Variants in KCNN3 observed in about 807,000 individuals in gnomAD.
KCNN3 encodes potassium calcium-activated channel subfamily N member 3, also known as small conductance calcium-activated potassium channel protein 3.
A neutral mutation model predicts 62.9 loss-of-function variants in KCNN3; 16 were observed. The observed-to-expected ratio is 0.25, with a 90% CI of 0.17 to 0.39. KCNN3 has a LOEUF of 0.39. KCNN3 is among the 10% of genes least tolerant of loss of function. KCNN3 has a pLI of 1.00. For synonymous variants in KCNN3, 370 were observed against 389.2 expected (o/e 0.95, Z 0.58); for missense variants, 599 against 949.4 (o/e 0.63, Z 4.85).
chr1:154,730,415 G>C (rs930200336), intron 4 of KCNN3, among the ~76,000 whole-genome samples: 2 of 152,176 alleles, frequency 1.3e-5, no homozygotes, highest in Admixed American at 6.5e-5. Flanking sequence ...GGTGTCCATG[G>C]TAACCAAACA....
intron 1 of KCNN3, among the ~76,000 whole-genome samples, chr1:154,852,310 TC>T (rs1435282807): frequency 1.3e-4 from 19 of 150,328 alleles, no homozygotes; most frequent in Non-Finnish European, 2.5e-4. Flanking sequence ...CAGCAAGCTA[TC>T]CCCCACCTCA....
chr1:154,801,949 A>C (rs996823533), intron 2 of KCNN3, among the ~76,000 whole-genome samples: 1 of 152,234 alleles, frequency 6.6e-6, no homozygotes. Flanking sequence ...CCACAAGAGC[A>C]AGGGAATAAG....
rs941043696 is a variant in KCNN3, at chr1:154,701,066, G to T, written c.*6910C>A. ...TTAGCTCCATAACAAGAAAACTTGT[G>T]TACAAGTTAGGGCTCAGCTACACAA... On this transcript the variant is annotated 3_prime_UTR_variant, in exon 8 of 8. Coordinates refer to ENST00000271915, the MANE Select transcript of KCNN3 (RefSeq NM_002249.6). 1.3e-5 allele frequency: 2 copies of T among 152,066 alleles called. No homozygotes were observed. The highest frequency in any genetic ancestry group is 2.9e-5 in the Non-Finnish European group (2 of 68,016). The allele number at this position is 152,066 out of a possible 1,614,324, so 9.4% of individuals were successfully genotyped here.
At chr1:154,779,602 T>C (rs1455289686) in intron 2 of KCNN3, among the ~76,000 whole-genome samples, 1 of 152,186 alleles carries the variant, frequency 6.6e-6, no homozygotes, top group Non-Finnish European at 1.5e-5. Context: ...AAGTGTTTTC[T>C]CAGATGTGAG....
In KCNN3 at chr1:154,762,320, C is replaced by T. The variant is rs546475268; in HGVS notation, c.1448+9655G>A. On this transcript the variant is annotated intron_variant, in intron 3 of 7. Transcript: ENST00000271915. The stretch of plus-strand genomic sequence containing the variant: ...CACCGCCAACAATAAGAAGATTCTC[C>T]AGCACTGAGTTATATTTATTTAAAA... Among the ~76,000 whole-genome samples the T allele has an allele frequency of 2.6e-5, 4 of 152,268 alleles. No homozygotes were observed. In the East Asian group the frequency reaches 7.7e-4, roughly 29 times the overall value.
chr1:154,717,210 C>A (rs190397729), intron 5 of KCNN3, among the ~76,000 whole-genome samples: 6 of 152,336 alleles, frequency 3.9e-5, no homozygotes, highest in Admixed American at 3.3e-4. Flanking sequence ...CAGGGAGGTG[C>A]TAACATTATC....
intron 2 of KCNN3, among the ~76,000 whole-genome samples, chr1:154,811,942 G>C (rs1404079714): frequency 1.3e-5 from 2 of 152,190 alleles, no homozygotes; most frequent in African/African-American, 4.8e-5. Context: ...GGCACAGCAG[G>C]GGTGGCTGCA....
At chr1:154,838,967 G>A (rs185752310) in intron 1 of KCNN3, among the ~76,000 whole-genome samples, 3 of 152,256 alleles carry the variant, frequency 2.0e-5, no homozygotes, top group Non-Finnish European at 2.9e-5. Context: ...CCTACAGAAG[G>A]GCCAGTGCCA....
chr1:154,722,678 C>G (rs1700380721), intron 5 of KCNN3, among the ~76,000 whole-genome samples: 1 of 151,828 alleles, frequency 6.6e-6, no homozygotes, highest in Admixed American at 6.6e-5. Flanking sequence ...AGGCATGAGC[C>G]ACCGCGCCCG....
chr1:154,735,593 A>G (rs370024014), intron 3 of KCNN3, among the ~76,000 whole-genome samples: 20 of 152,160 alleles, frequency 1.3e-4, no homozygotes, highest in African/African-American at 4.8e-4. Context: ...GCTATCCTTG[A>G]GTAGCACAGG....
At chr1:154,867,093 C>T (rs920643124) in intron 1 of KCNN3, among the ~76,000 whole-genome samples, 1 of 152,202 alleles carries the variant, frequency 6.6e-6, no homozygotes, top group African/African-American at 2.4e-5. Flanking sequence ...CCCCACACCC[C>T]CCTTGCATTT....
Position 154,826,567 on chromosome 1 carries a change from A to T in KCNN3, c.934-4383T>A, listed in dbSNP as rs527363057. ...GGTTCCATTGCCCCGCCTGTGTCCC[A>T]GCACCCCACCTGCTCTGGCGGCCAC... On this transcript the variant is annotated intron_variant, in intron 1 of 7. Coordinates refer to ENST00000271915, the MANE Select transcript of KCNN3 (RefSeq NM_002249.6). Among the ~76,000 whole-genome samples the T allele has an allele frequency of 2.5e-3, 376 of 151,228 alleles. 4 individuals carry two copies. The highest frequency in any genetic ancestry group is 8.9e-3 in the African/African-American group (362 of 40,898).
rs546496479 is a variant in KCNN3, at chr1:154,804,772, C to G, written c.1029+17317G>C. ...ACCCTAGGTAACGGCTATTCTGATC[C>G]CTATTTTATAGATGAGGAAACTGAG... On this transcript the variant is annotated intron_variant, in intron 2 of 7. Transcript: ENST00000271915. 3.9e-5 allele frequency among the ~76,000 whole-genome samples: 6 copies of G among 152,116 alleles called. No individual in the cohort carries two copies. The East Asian group carries it at 1.2e-3, about 29-fold the overall frequency.
chr1:154,775,485 G>A (rs1200031029), intron 2 of KCNN3, among the ~76,000 whole-genome samples: 2 of 152,148 alleles, frequency 1.3e-5, no homozygotes, highest in Non-Finnish European at 2.9e-5. Flanking sequence ...GATTGAAAGG[G>A]TTTAATAAAC....
chr1:154,787,298 T>C (rs1259808695), intron 2 of KCNN3, among the ~76,000 whole-genome samples: 1 of 152,158 alleles, frequency 6.6e-6, no homozygotes, highest in Non-Finnish European at 1.5e-5. Flanking sequence ...GGAAACCTGC[T>C]CCACCATTCC....
At position 154,703,568 on chromosome 1, in the gene KCNN3, A is replaced by C. The variant is rs1699908675; in HGVS notation, c.*4408T>G. ...AGAGTAGTAACCTACTGGTAGTGCA[A>C]TGACTTCACAGTATCTCAGTTGTGG... On this transcript the variant is annotated 3_prime_UTR_variant, in exon 8 of 8. Transcript: ENST00000271915. The C allele has an allele frequency of 6.6e-6, 1 of 152,244 alleles. No individual in the cohort carries two copies. The allele number at this position is 152,244 out of a possible 1,614,324, so 9.4% of individuals were successfully genotyped here.
At chr1:154,724,244 C>T (rs114198018) in intron 5 of KCNN3, among the ~76,000 whole-genome samples, 2,654 of 152,294 alleles carry the variant, frequency 0.017, 77 homozygotes, top group African/African-American at 0.061. Context: ...CCCAAGAGCT[C>T]GCTCGCAGCT....
intron 2 of KCNN3, among the ~76,000 whole-genome samples, chr1:154,784,437 G>A (rs752913782): frequency 6.6e-6 from 1 of 152,098 alleles, no homozygotes; most frequent in African/African-American, 2.4e-5. Flanking sequence ...CTAAGCTTGC[G>A]CCCTTCCATC....
At chr1:154,716,430 G>A (rs1700234510) in intron 5 of KCNN3, among the ~76,000 whole-genome samples, 1 of 152,220 alleles carries the variant, frequency 6.6e-6, no homozygotes, top group Non-Finnish European at 1.5e-5. Flanking sequence ...AGAGAATATA[G>A]ACCTGCTTCT....
Sources: allele counts gnomAD v4.1 joint callset (sites outside exome capture counted in the v4.1 genomes callset), GRCh38; gene constraint gnomAD v4.1.1; transcripts MANE v1.5; gene names NCBI Gene and HGNC (gene_info 2026-07-23, HGNC 2026-07-21).